VIPR2: variants seen among roughly 807,000 people sequenced by gnomAD.
The protein encoded by VIPR2 is vasoactive intestinal polypeptide receptor 2.
In VIPR2, 48 loss-of-function variants were observed where a neutral mutation model predicts 58.0. The ratio of observed to expected loss-of-function variants is 0.83; its 90% CI spans 0.66 to 1.05. VIPR2 has a LOEUF of 1.05. VIPR2 is among the 50% of genes least tolerant of loss of function. The pLI is 0.00. For missense variants in VIPR2, 534 were observed against 558.0 expected (o/e 0.96, Z 0.43); for synonymous variants, 243 against 235.2 (o/e 1.03, Z -0.30).
rs559938714 is a variant in VIPR2, at chr7:159,053,081, T to A, written c.455+5400A>T. ...TGGAATAAAGAATCCATAAATGGAT[T>A]TAGTGAGGTTGCTGAAGCAAGAGGT... On this transcript the variant is annotated intron_variant, in intron 5 of 12. Coordinates refer to ENST00000262178, the MANE Select transcript of VIPR2 (RefSeq NM_003382.5). 2.0e-5 allele frequency among the ~76,000 whole-genome samples: 3 copies of A among 152,224 alleles called. No individual in the cohort carries two copies. The East Asian group carries it at 5.8e-4, about 29-fold the overall frequency.
At chr7:159,050,923 G>A (rs1387252785) in intron 5 of VIPR2, among the ~76,000 whole-genome samples, 1 of 152,236 alleles carries the variant, frequency 6.6e-6, no homozygotes, top group East Asian at 1.9e-4. Flanking sequence ...TGCACTGGCA[G>A]CTGACTTTTC....
At chr7:159,111,098 G>A (rs911735433) in intron 2 of VIPR2, among the ~76,000 whole-genome samples, 1 of 152,200 alleles carries the variant, frequency 6.6e-6, no homozygotes, top group African/African-American at 2.4e-5. Context: ...CCCGTGTAAG[G>A]CTGCTTAGAG....
chr7:159,031,700 T>C lies in VIPR2; in HGVS notation c.1143+128A>G. On this transcript the variant is annotated intron_variant, in intron 12 of 12. Transcript: ENST00000262178. This position sits in a 1 kb window ranked among gnomAD's most constrained non-coding sequence, Gnocchi z 4.0. ...GTTCTCTGATGGGGACACAGAACTG[T>C]GGGGTCCCGGGCAGTAACTCGAGCC... 1 of 1,550,034 alleles carries C rather than the reference T, an allele frequency of 6.5e-7. No homozygotes were observed. Among genetic ancestry groups the C allele is most frequent in the South Asian group, 1.2e-5 (1 of 82,144 alleles).
At chr7:159,034,054 G>A (rs1200408488) in intron 10 of VIPR2, among the ~76,000 whole-genome samples, 159 bp downstream of exon 10, 1 of 152,196 alleles carries the variant, frequency 6.6e-6, no homozygotes, top group African/African-American at 2.4e-5. Context: ...GGGCCTCTCT[G>A]AGCCTTGGGC....
At chr7:159,083,347 G>A (rs556020891) in intron 4 of VIPR2, among the ~76,000 whole-genome samples, 8 of 152,312 alleles carry the variant, frequency 5.3e-5, no homozygotes, top group East Asian at 3.9e-4. Context: ...TCCCATTTGC[G>A]AGGAATCTCA....
chr7:159,098,690 T>C lies in VIPR2; in HGVS notation c.357+5067A>G, dbSNP rs1858011273. Reference sequence around the variant, plus strand: ...CCTCCCAGGGGCTCCCACACCCACATCTCTGCTGATTCCCTCACACATGTA... The same window carrying C: ...CCTCCCAGGGGCTCCCACACCCACACCTCTGCTGATTCCCTCACACATGTA... On this transcript the variant is annotated intron_variant, in intron 4 of 12. Coordinates refer to ENST00000262178, the MANE Select transcript of VIPR2 (RefSeq NM_003382.5). The surrounding 1 kb of genome is among the most constrained non-coding windows in gnomAD (Gnocchi z 5.2). 6.6e-6 allele frequency among the ~76,000 whole-genome samples: 1 copy of C among 152,128 alleles called. No homozygotes were observed. Among genetic ancestry groups the C allele is most frequent in the African/African-American group, 2.4e-5 (1 of 41,422 alleles).
In VIPR2 at chr7:159,030,528, G is replaced by C; in HGVS notation, c.*88C>G. 2.1e-6 allele frequency: 3 copies of C among 1,442,572 alleles called. No individual in the cohort carries two copies. Among genetic ancestry groups the C allele is most frequent in the Non-Finnish European group, 2.7e-6 (3 of 1,091,094 alleles). 89.4% of individuals were successfully genotyped at this position (1,442,572 alleles called of 1,614,324 possible). On this transcript the variant is annotated 3_prime_UTR_variant, in exon 13 of 13. Coordinates refer to ENST00000262178, the MANE Select transcript of VIPR2 (RefSeq NM_003382.5). The stretch of plus-strand genomic sequence containing the variant: ...GCTGACCTGCCCGACACGGTGCTCG[G>C]GCATCTGGAAGGAGGAAGCCGGCGT...
At chr7:159,062,011 G>A (rs947147371) in intron 4 of VIPR2, among the ~76,000 whole-genome samples, 13 of 152,210 alleles carry the variant, frequency 8.5e-5, no homozygotes, top group African/African-American at 3.1e-4. Context: ...TGAGAAGCCT[G>A]GTCTTGCGGA....
intron 4 of VIPR2, among the ~76,000 whole-genome samples, chr7:159,086,579 C>G (rs1014446483): frequency 2.6e-5 from 4 of 152,186 alleles, no homozygotes; most frequent in African/African-American, 9.7e-5. Flanking sequence ...AGCTCTCAAC[C>G]CGGGGGATGT....
intron 6 of VIPR2, 67 bp from the exon 7 acceptor site, chr7:159,036,969 G>A (rs1269487044): frequency 6.4e-6 from 10 of 1,554,282 alleles, no homozygotes; most frequent in African/African-American, 1.4e-5. Context: ...CCAGCAGGCA[G>A]TGCCGCTCCA....
chr7:159,109,270 G>A (rs1795894567), intron 3 of VIPR2, among the ~76,000 whole-genome samples: 1 of 152,218 alleles, frequency 6.6e-6, no homozygotes, highest in East Asian at 1.9e-4. Context: ...TACGGAGCAT[G>A]CCCTGGGTGC....
Position 159,031,928 on chromosome 7 carries a change from G to C in VIPR2, c.1101+10C>G, listed in dbSNP as rs1306721025. 6.2e-7 allele frequency: 1 copy of C among 1,614,098 alleles called. No individual in the cohort carries two copies. ...CGCTCGGGGGAGGGCGGCCGCCTCC[G>C]CACACCTACCTGGAACGACCCGAGG... On this transcript the variant is annotated intron_variant, in intron 11 of 12. Coordinates refer to ENST00000262178, the MANE Select transcript of VIPR2 (RefSeq NM_003382.5). This position sits in a 1 kb window ranked among gnomAD's most constrained non-coding sequence, Gnocchi z 4.0.
At chr7:159,143,998 G>C (rs978868690) in intron 1 of VIPR2, among the ~76,000 whole-genome samples, 2 of 152,206 alleles carry the variant, frequency 1.3e-5, no homozygotes, top group Admixed American at 1.3e-4. Flanking sequence ...AGCTGCGGAG[G>C]GGCCGCGGAT....
intron 2 of VIPR2, chr7:159,117,491 G>T: frequency 1.4e-6 from 1 of 702,308 alleles, no homozygotes. Flanking sequence ...CTCAGAGGTG[G>T]GGCTGCACCT....
rs144784720 is a variant in VIPR2, at chr7:159,036,677, G to A, written c.748+75C>T. 35 of 1,507,340 alleles carry A rather than the reference G, an allele frequency of 2.3e-5. No individual in the cohort carries two copies. In the African/African-American group the frequency reaches 3.6e-4, roughly 15 times the overall value. The allele number at this position is 1,507,340 out of a possible 1,614,324, so 93.4% of individuals were successfully genotyped here. A position where few individuals can be genotyped will look rare whatever the true frequency, so the allele number is the denominator to read the frequency against. Reference sequence around the variant, plus strand: ...CTACGGGGGCGGCAAAGTGTTTTCTGAGCTGAAAATGTTTGCGTTGTTTGG... The same window carrying A: ...CTACGGGGGCGGCAAAGTGTTTTCTAAGCTGAAAATGTTTGCGTTGTTTGG... On this transcript the variant is annotated intron_variant, in intron 7 of 12. Transcript: ENST00000262178.
chr7:159,118,145 C>A (rs536969358), intron 2 of VIPR2, among the ~76,000 whole-genome samples: 1 of 152,172 alleles, frequency 6.6e-6, no homozygotes, highest in Non-Finnish European at 1.5e-5. Flanking sequence ...TCTCTTCCTG[C>A]TGGGGGGCTG....
At chr7:159,125,752 C>A (rs943993392) in intron 2 of VIPR2, among the ~76,000 whole-genome samples, 2 of 152,170 alleles carry the variant, frequency 1.3e-5, no homozygotes, top group Non-Finnish European at 2.9e-5. Context: ...TTCCTGGACA[C>A]CTGGTGTCAG....
Position 159,030,778 on chromosome 7 carries a change from C to A in VIPR2, c.1155G>T (p.Glu385Asp). 6.3e-7 allele frequency: 1 copy of A among 1,593,886 alleles called. No homozygotes were observed. Among genetic ancestry groups the A allele is most frequent in the Non-Finnish European group, 8.5e-7 (1 of 1,171,036 alleles). The change falls in exon 13 of 13, where the codon GAG becomes GAT. Residue 385 changes from glutamate (E) to aspartate (D), a missense_variant. Physicochemically the swap from Glu to Asp is conservative, Grantham distance 45. Transcript: ENST00000262178. ...YCFLNSEVQC[E>D]LKRKWRSRCP... is the part of the protein sequence containing the mutation. ...ACCGGCTTCGCCATTTTCGCTTCAG[C>A]TCGCACTGCACCTGGGAGGTGAGGG...
intron 2 of VIPR2, among the ~76,000 whole-genome samples, chr7:159,113,128 C>A (rs2129496447): frequency 6.6e-6 from 1 of 152,274 alleles, no homozygotes; most frequent in African/African-American, 2.4e-5. Flanking sequence ...GAAACAGAAG[C>A]GAAACTAAAG....
Sources: allele counts gnomAD v4.1 joint callset (sites outside exome capture counted in the v4.1 genomes callset), GRCh38; gene constraint gnomAD v4.1.1; non-coding constraint Gnocchi (gnomAD v3.1); transcripts MANE v1.5; gene names NCBI Gene and HGNC (gene_info 2026-07-23, HGNC 2026-07-21).